ZNF19: variants seen among roughly 807,000 people sequenced by gnomAD.
ZNF19 encodes the protein zinc finger protein 19 (KOX 12).
A neutral mutation model predicts 13.1 loss-of-function variants in ZNF19; 11 were observed. The ratio of observed to expected loss-of-function variants is 0.84; its 90% CI spans 0.53 to 1.39. The LOEUF (loss-of-function observed/expected upper bound fraction) is 1.39. Ranked by LOEUF, ZNF19 falls within the 40% of genes most tolerant of loss-of-function variation. The probability of loss-of-function intolerance (pLI) is 0.00; values close to 1 mark genes in which losing one functional copy is unlikely to be tolerated. For synonymous variants in ZNF19, 186 were observed against 187.0 expected, an observed-to-expected ratio of 0.99 and a Z score of 0.04; for missense variants, 560 against 547.0, an observed-to-expected ratio of 1.02 and a Z score of -0.24.
chr16:71,474,970 T>C lies in ZNF19; in HGVS notation c.*200A>G, dbSNP rs1344920748. 1 of 617,146 alleles carries C rather than the reference T, an allele frequency of 1.6e-6. No individual in the cohort carries two copies. The highest frequency in any genetic ancestry group is 2.7e-6 in the Non-Finnish European group (1 of 374,220). 38.2% of individuals were successfully genotyped at this position (617,146 alleles called of 1,614,324 possible). ...TTCTCAGCATTAAAACCAATGGGGG[T>C]GGGCGGGGGGAGAGTATTTGTTCCT... On this transcript the variant is annotated 3_prime_UTR_variant, in exon 6 of 6. Coordinates refer to ENST00000288177, the MANE Select transcript of ZNF19 (RefSeq NM_006961.4).
Position 71,489,231 on chromosome 16 carries a change from A to T in ZNF19, c.-190+41T>A, listed in dbSNP as rs932012642. ...GGACTGCTATGCTGTCTCACTCCCAACCCAAGCTCCGCCCAACTGTGGGTC... is the reference window on the plus strand; with the variant it reads ...GGACTGCTATGCTGTCTCACTCCCATCCCAAGCTCCGCCCAACTGTGGGTC... On this transcript the variant is annotated intron_variant, in intron 1 of 5. Coordinates refer to ENST00000288177, the MANE Select transcript of ZNF19 (RefSeq NM_006961.4). 3 of 985,118 alleles carry T rather than the reference A, an allele frequency of 3.0e-6. No homozygotes were observed. The African/African-American group carries it at 5.2e-5, about 17-fold the overall frequency. The allele number at this position is 985,118 out of a possible 1,614,324, so 61.0% of individuals were successfully genotyped here. A position where few individuals can be genotyped will look rare whatever the true frequency, so the allele number is the denominator to read the frequency against.
In ZNF19 at chr16:71,475,848, G is replaced by A. The variant is rs772241696; in HGVS notation, c.699C>T (p.Ile233=). Residue 233 remains isoleucine, a synonymous_variant, in exon 6 of 6, where the codon ATC becomes ATT. Transcript: ENST00000288177. ...CCCCACTGTGGATTCTCTGATGCCT[G>A]ATCAGATTTGCATTATCATTAAAGG... ...GRAFNDNANL[I]RHQRIHSGDR... is the part of the protein sequence containing the mutation. The A allele has an allele frequency of 2.1e-5, 34 of 1,613,578 alleles. No homozygotes were observed. Among genetic ancestry groups the A allele is most frequent in the Non-Finnish European group, 2.8e-5 (33 of 1,179,856 alleles).
chr16:71,479,457 G>A (rs1291003429), intron 3 of ZNF19, among the ~76,000 whole-genome samples: 2 of 152,070 alleles, frequency 1.3e-5, no homozygotes, highest in Non-Finnish European at 2.9e-5. Context: ...TGTTCACCCT[G>A]CCCCAAACCT....
chr16:71,485,877 C>T (rs2043675003), intron 1 of ZNF19, among the ~76,000 whole-genome samples: 1 of 152,090 alleles, frequency 6.6e-6, no homozygotes, highest in African/African-American at 2.4e-5. Flanking sequence ...CCAAAGGAAC[C>T]TCATAACCAT....
intron 3 of ZNF19, 43 bp from the exon 4 acceptor site, chr16:71,479,048 C>T: frequency 1.2e-6 from 2 of 1,613,872 alleles, no homozygotes; most frequent in African/African-American, 2.7e-5. Flanking sequence ...AATCCTCTGG[C>T]TCCGGGCCAG....
Position 71,484,698 on chromosome 16 carries a change from T to G in ZNF19, c.-139A>C. 1.0e-6 allele frequency: 1 copy of G among 985,412 alleles called. No homozygotes were observed. Among genetic ancestry groups the G allele is most frequent in the South Asian group, 4.7e-5 (1 of 21,270 alleles). 61.0% of individuals were successfully genotyped at this position (985,412 alleles called of 1,614,324 possible). A position where few individuals can be genotyped will look rare whatever the true frequency, so the allele number is the denominator to read the frequency against. On this transcript the variant is annotated 5_prime_UTR_variant, in exon 2 of 6. Coordinates refer to ENST00000288177, the MANE Select transcript of ZNF19 (RefSeq NM_006961.4). The stretch of plus-strand genomic sequence containing the variant: ...GATGCCGGAGCGGTCTTCTCAGTGG[T>G]TGTGTGGTTTTACTCCCGGGAGGAG...
chr16:71,478,542 A>G, intron 4 of ZNF19: 1 of 696,292 alleles, frequency 1.4e-6, no homozygotes, highest in Non-Finnish European at 2.6e-6. Flanking sequence ...TAAGTCAGTG[A>G]GATCCACAAG....
In ZNF19 at chr16:71,478,910, C is replaced by T; in HGVS notation, c.129G>A (p.Met43Ile). ...CAGTCAGGTTCCCAAAATTCTCCAA[C>T]ATCACACTTCTGTACAGGGCCCTCT... ...PAQRALYRSVMLENFGNLTAL... is the reference protein window; with the variant it reads ...PAQRALYRSVILENFGNLTAL... Residue 43 changes from methionine to isoleucine, a missense_variant, in exon 4 of 6, where the codon ATG becomes ATA. Physicochemically the swap from Met to Ile is conservative, Grantham distance 10 (BLOSUM62 1). Transcript: ENST00000288177. The T allele has an allele frequency of 6.2e-7, 1 of 1,614,184 alleles. No individual in the cohort carries two copies. Among genetic ancestry groups the T allele is most frequent in the Non-Finnish European group, 8.5e-7 (1 of 1,179,986 alleles).
At chr16:71,489,205 T>C in intron 1 of ZNF19, 67 bp downstream of exon 1, 4 of 973,632 alleles carry the variant, frequency 4.1e-6, no homozygotes, top group Non-Finnish European at 4.9e-6. Context: ...AGGACCAGCC[T>C]GGACTGCTAT....
intron 2 of ZNF19, among the ~76,000 whole-genome samples, chr16:71,484,313 G>A (rs1178496992): frequency 6.6e-6 from 1 of 152,260 alleles, no homozygotes; most frequent in Non-Finnish European, 1.5e-5. Context: ...CCAATGAGCA[G>A]ATGGGGTTTG....
intron 1 of ZNF19, among the ~76,000 whole-genome samples, chr16:71,488,131 G>A (rs965226872): frequency 1.3e-5 from 2 of 150,630 alleles, no homozygotes; most frequent in African/African-American, 4.9e-5. Context: ...AGGCCAAGGT[G>A]GATGGATTGC....
intron 3 of ZNF19, among the ~76,000 whole-genome samples, chr16:71,479,964 T>C (rs539278526): frequency 5.9e-5 from 9 of 152,060 alleles, no homozygotes; most frequent in Admixed American, 3.9e-4. Flanking sequence ...GGCTAATCTT[T>C]GTATTTTCTG....
At chr16:71,480,286 C>T (rs2043629042) in intron 3 of ZNF19, among the ~76,000 whole-genome samples, 1 of 152,168 alleles carries the variant, frequency 6.6e-6, no homozygotes, top group Admixed American at 6.5e-5. Flanking sequence ...ATCCACATCC[C>T]CCTCATCCCA....
At position 71,476,183 on chromosome 16, in the gene ZNF19, T is replaced by G; in HGVS notation, c.364A>C (p.Ser122Arg). The G allele has an allele frequency of 6.2e-7, 1 of 1,614,196 alleles. No individual in the cohort carries two copies. The highest frequency in any genetic ancestry group is 8.5e-7 in the Non-Finnish European group (1 of 1,180,008). ...GGGAAGTCAGTTCTCTGAGGGACAC[T>G]CTTCAGCTGACCATGTGACATCATC... is the stretch of plus-strand genomic sequence containing the variant. Reference protein sequence around the residue: ...DGMMSHGQLKSVPQRTDFPET... With the variant: ...DGMMSHGQLKRVPQRTDFPET... Residue 122 changes from serine (S) to arginine (R), a missense_variant, in exon 6 of 6, where the codon AGT (serine) becomes CGT (arginine). Transcript: ENST00000288177.
intron 4 of ZNF19, 26 bp from the exon 5 acceptor site, chr16:71,478,367 T>C: frequency 6.5e-7 from 1 of 1,543,830 alleles, no homozygotes; most frequent in Non-Finnish European, 8.9e-7. Flanking sequence ...AAATGGTACT[T>C]TTCAGCCCTG....
rs761836042 is a variant in ZNF19, at chr16:71,475,817, G to A, written c.730C>T (p.Pro244Ser). The change falls in exon 6 of 6, where the codon CCC becomes TCC. Residue 244 changes from proline (P) to serine (S), a missense_variant. By Grantham distance (74) the Pro-to-Ser change is moderately conservative. Transcript: ENST00000288177. ...TTCCCACACTCTGTACAGTAATAGG[G>A]TCTGTCCCCACTGTGGATTCTCTGA... ...RHQRIHSGDR[P>S]YYCTECGNSF... 1.9e-6 allele frequency: 3 copies of A among 1,612,824 alleles called. No homozygotes were observed. Among genetic ancestry groups the A allele is most frequent in the Non-Finnish European group, 8.5e-7 (1 of 1,179,152 alleles).
chr16:71,475,089 G>A lies in ZNF19; in HGVS notation c.*81C>T. ...ACTGTGGCTTGAGGGATGGATCAGAGGCTGAGTCAGGCCTGTGTCACACAT... is the reference window on the plus strand; with the variant it reads ...ACTGTGGCTTGAGGGATGGATCAGAAGCTGAGTCAGGCCTGTGTCACACAT... On this transcript the variant is annotated 3_prime_UTR_variant, in exon 6 of 6. Coordinates refer to ENST00000288177, the MANE Select transcript of ZNF19 (RefSeq NM_006961.4). 6.9e-7 allele frequency: 1 copy of A among 1,440,566 alleles called. No homozygotes were observed. The highest frequency in any genetic ancestry group is 9.2e-7 in the Non-Finnish European group (1 of 1,082,516). The allele number at this position is 1,440,566 out of a possible 1,614,324, so 89.2% of individuals were successfully genotyped here.
At chr16:71,488,413 G>A (rs576505470) in intron 1 of ZNF19, among the ~76,000 whole-genome samples, 2 of 150,266 alleles carry the variant, frequency 1.3e-5, no homozygotes, top group Admixed American at 6.6e-5. Flanking sequence ...ACACAGATTC[G>A]AAACTCAGAA....
intron 5 of ZNF19, 36 bp downstream of exon 5, chr16:71,478,192 C>T (rs779978690): frequency 1.7e-5 from 25 of 1,435,098 alleles, no homozygotes; most frequent in South Asian, 7.0e-5. Context: ...CTCCATAAAA[C>T]GCTACAATTG....
Sources: allele counts gnomAD v4.1 joint callset (sites outside exome capture counted in the v4.1 genomes callset), GRCh38; gene constraint gnomAD v4.1.1; transcripts MANE v1.5; gene names NCBI Gene and HGNC (gene_info 2026-07-23, HGNC 2026-07-21).